Variants in LMX1A observed in about 807,000 individuals in gnomAD.
LMX1A encodes the protein LIM homeobox transcription factor 1 alpha.
Under a neutral mutation model 49.1 loss-of-function variants are expected in LMX1A, and 15 were observed. That is an observed-to-expected ratio of 0.31 (90% confidence interval 0.20 to 0.47). The LOEUF (loss-of-function observed/expected upper bound fraction) is 0.47. LMX1A is among the 20% of genes least tolerant of loss of function. The pLI, the probability that LMX1A is intolerant of heterozygous loss-of-function variation, is 1.00. For synonymous variants in LMX1A, 167 were observed against 185.7 expected (o/e 0.90, Z 0.82); for missense variants, 372 against 475.8 (o/e 0.78, Z 2.03).
chr1:165,284,755 C>T lies in LMX1A; in HGVS notation c.264-35115G>A, dbSNP rs892945819. 5.3e-5 allele frequency among the ~76,000 whole-genome samples: 8 copies of T among 152,198 alleles called. No individual in the cohort carries two copies. The East Asian group carries it at 7.7e-4, about 15-fold the overall frequency. On this transcript the variant is annotated intron_variant, in intron 3 of 8. Transcript: ENST00000342310. ...CACGGAAGTCCTTCAGCTTACAAAG[C>T]GTTGGCCACCCAGCACCCGCCGTAG...
intron 3 of LMX1A, among the ~76,000 whole-genome samples, chr1:165,257,418 T>C (rs977553936): frequency 6.7e-6 from 1 of 148,460 alleles, no homozygotes; most frequent in Non-Finnish European, 1.5e-5. Flanking sequence ...TGCAGACATG[T>C]AGGTAGGTGA....
chr1:165,282,982 A>T (rs1299255662), intron 3 of LMX1A, among the ~76,000 whole-genome samples: 2 of 152,228 alleles, frequency 1.3e-5, no homozygotes, highest in African/African-American at 4.8e-5. Context: ...TTCCAGTTTG[A>T]TCCTCACCAC....
chr1:165,331,917 G>GA (rs1483240840), intron 3 of LMX1A, among the ~76,000 whole-genome samples: 3 of 151,798 alleles, frequency 2.0e-5, no homozygotes, highest in Non-Finnish European at 4.4e-5. Context: ...ACACGGTCTC[G>GA]AAAAAATAAA....
intron 3 of LMX1A, among the ~76,000 whole-genome samples, chr1:165,318,520 A>T (rs571054376): frequency 5.9e-5 from 9 of 152,276 alleles, no homozygotes; most frequent in Admixed American, 3.3e-4. Flanking sequence ...AAGCTGTGGT[A>T]GATGCTGTGG....
rs1312602567 is a variant in LMX1A at position 165,345,634 on chromosome 1, T to C, written c.263+7442A>G. ...CCGTAAATGGTTACCCAAAGAGTAA[T>C]GGACGTGAGGTTATGCATACCTGAG... On this transcript the variant is annotated intron_variant, in intron 3 of 8. Coordinates refer to ENST00000342310, the MANE Select transcript of LMX1A (RefSeq NM_177398.4). 2.6e-5 allele frequency among the ~76,000 whole-genome samples: 4 copies of C among 152,198 alleles called. No individual in the cohort carries two copies. In the South Asian group the frequency reaches 8.3e-4, roughly 31 times the overall value.
At chr1:165,219,073 C>T (rs1383265111) in intron 4 of LMX1A, 1 of 152,210 alleles carries the variant, frequency 6.6e-6, no homozygotes, top group African/African-American at 2.4e-5. Context: ...CTTTCTTTCC[C>T]CTTTCTTGTA....
At chr1:165,341,222 C>T (rs578214394) in intron 3 of LMX1A, among the ~76,000 whole-genome samples, 5 of 152,328 alleles carry the variant, frequency 3.3e-5, no homozygotes, top group Admixed American at 1.3e-4. Flanking sequence ...CAGCCATACC[C>T]TAAATGCTCT....
chr1:165,281,984 T>G (rs1168346381), intron 3 of LMX1A, among the ~76,000 whole-genome samples: 1 of 152,170 alleles, frequency 6.6e-6, no homozygotes, highest in Non-Finnish European at 1.5e-5. Flanking sequence ...AATGGCCAAC[T>G]GTGGTTAGGA....
At chr1:165,343,199 A>G (rs1012793963) in intron 3 of LMX1A, among the ~76,000 whole-genome samples, 1 of 152,080 alleles carries the variant, frequency 6.6e-6, no homozygotes, top group Non-Finnish European at 1.5e-5. Context: ...TGGTACTATC[A>G]TTATCCCTGT....
chr1:165,305,481 C>T (rs1018277776), intron 3 of LMX1A, among the ~76,000 whole-genome samples: 3 of 152,104 alleles, frequency 2.0e-5, no homozygotes, highest in African/African-American at 7.2e-5. Context: ...CCCAGTAGGC[C>T]AAATATCACA....
intron 6 of LMX1A, 142 bp from the exon 7 acceptor site, chr1:165,208,274 G>T (rs1292498137): frequency 2.1e-5 from 14 of 673,372 alleles, no homozygotes; most frequent in Admixed American, 7.0e-5. Context: ...AGGAGCAACA[G>T]TGGCCAGCCC....
chr1:165,258,033 C>T (rs994469513), intron 3 of LMX1A, among the ~76,000 whole-genome samples: 2 of 152,170 alleles, frequency 1.3e-5, no homozygotes, highest in African/African-American at 2.4e-5. Context: ...ATGAACCCTC[C>T]GGTTTAGAAA....
intron 4 of LMX1A, among the ~76,000 whole-genome samples, chr1:165,229,378 C>A (rs921773020): frequency 6.6e-6 from 1 of 151,976 alleles, no homozygotes; most frequent in African/African-American, 2.4e-5. Context: ...CTATAGATGG[C>A]CCCCCCGTCA....
intron 3 of LMX1A, among the ~76,000 whole-genome samples, chr1:165,281,685 T>C (rs537794495): frequency 7.2e-5 from 11 of 152,244 alleles, no homozygotes; most frequent in African/African-American, 2.6e-4. Flanking sequence ...AGCAACTGTT[T>C]GCTAAAGACT....
chr1:165,230,625 C>A (rs772776597), intron 4 of LMX1A, among the ~76,000 whole-genome samples: 6 of 152,216 alleles, frequency 3.9e-5, no homozygotes, highest in Non-Finnish European at 7.3e-5. Context: ...CTCCAGCTGC[C>A]CCTTGCTGCA....
chr1:165,234,438 A>G (rs949000132), intron 4 of LMX1A, among the ~76,000 whole-genome samples: 1 of 152,170 alleles, frequency 6.6e-6, no homozygotes, highest in Non-Finnish European at 1.5e-5. Context: ...ATAGCACTTT[A>G]TATCTCTACG....
chr1:165,248,573 G>C (rs1652942371), intron 4 of LMX1A, among the ~76,000 whole-genome samples: 1 of 152,158 alleles, frequency 6.6e-6, no homozygotes, highest in Non-Finnish European at 1.5e-5. Context: ...AACCTCGCCT[G>C]TCTCCTCTCT....
In LMX1A at chr1:165,208,522, G is replaced by C. The variant is rs77103172; in HGVS notation, c.748-390C>G. Among the ~76,000 whole-genome samples, 932 of 152,342 alleles carry C rather than the reference G, an allele frequency of 6.1e-3. 50 individuals are homozygous for C. The East Asian group carries it at 0.13, about 21-fold the overall frequency. Reference sequence around the variant, plus strand: ...GGTTGTGATTTGGGGTAAGCTAAGAGGCTGTTCCTTTCCTCCTCCCTGTCT... The same window carrying C: ...GGTTGTGATTTGGGGTAAGCTAAGACGCTGTTCCTTTCCTCCTCCCTGTCT... On this transcript the variant is annotated intron_variant, in intron 6 of 8. Coordinates refer to ENST00000342310, the MANE Select transcript of LMX1A (RefSeq NM_177398.4).
At chr1:165,354,688 A>G (rs1045047869) in intron 2 of LMX1A, among the ~76,000 whole-genome samples, 6 of 152,220 alleles carry the variant, frequency 3.9e-5, no homozygotes, top group Admixed American at 3.9e-4. Flanking sequence ...GAAAGAGGCA[A>G]GAGGTTTAAA....
Sources: allele counts gnomAD v4.1 joint callset (sites outside exome capture counted in the v4.1 genomes callset), GRCh38; gene constraint gnomAD v4.1.1; transcripts MANE v1.5; gene names NCBI Gene and HGNC (gene_info 2026-07-23, HGNC 2026-07-21).